The following PCAT7 variants were observed in gnomAD, a reference collection of about 807,000 sequenced individuals.
The protein encoded by PCAT7 is prostate cancer associated transcript 7 (non-protein coding).
intron 3 of PCAT7, among the ~76,000 whole-genome samples, chr9:94,573,945 T>G (rs1221718294): frequency 1.3e-5 from 2 of 152,192 alleles, no homozygotes; most frequent in Non-Finnish European, 2.9e-5. Flanking sequence ...GGAGATTTCT[T>G]TTCTTGGGCA....
exon 2 of PCAT7, chr9:94,559,138 G>C: frequency 1.2e-6 from 2 of 1,606,814 alleles, no homozygotes; most frequent in South Asian, 2.2e-5. Flanking sequence ...CGGAGCTGTG[G>C]AGGAACAGAG....
chr9:94,555,131 T>G lies in PCAT7; in HGVS notation n.78T>G, dbSNP rs191236287. 1,278 of 152,340 alleles carry G rather than the reference T, an allele frequency of 8.4e-3. 3 individuals carry two copies. Among genetic ancestry groups the G allele is most frequent in the Middle Eastern group, 0.024 (7 of 296 alleles). 9.4% of individuals were successfully genotyped at this position (152,340 alleles called of 1,614,324 possible). ...GAGTTACGTTTTTTTTGTTGTTGTT[T>G]TTTTTGTTTTTGTTTTTTTAGGTTT... On this transcript the variant is annotated non_coding_transcript_exon_variant, in exon 1 of 9. Transcript: ENST00000647389.
intron 2 of PCAT7, chr9:94,570,176 T>G (rs1269667864): frequency 6.6e-6 from 1 of 152,242 alleles, no homozygotes; most frequent in Non-Finnish European, 1.5e-5. Context: ...AGAGGCTCTG[T>G]CTGTGCCTGG....
intron 2 of PCAT7, among the ~76,000 whole-genome samples, chr9:94,562,824 T>C (rs1564179486): frequency 6.6e-6 from 1 of 152,324 alleles, no homozygotes. Context: ...TCCAGATATA[T>C]TGGCTGAGTT....
At chr9:94,555,322 A>C (rs1159765572) in intron 1 of PCAT7, 1 of 151,794 alleles carries the variant, frequency 6.6e-6, no homozygotes, top group African/African-American at 2.4e-5. Context: ...TAGGAAGAAG[A>C]AGATAGTTTT....
At chr9:94,562,011 C>T (rs1340338209) in intron 2 of PCAT7, among the ~76,000 whole-genome samples, 1 of 152,066 alleles carries the variant, frequency 6.6e-6, no homozygotes, top group African/African-American at 2.4e-5. Flanking sequence ...CAGAGTGGTT[C>T]TAAGAATTTC....
At chr9:94,573,440 T>C (rs1827288446) in intron 3 of PCAT7, among the ~76,000 whole-genome samples, 1 of 152,172 alleles carries the variant, frequency 6.6e-6, no homozygotes, top group Non-Finnish European at 1.5e-5. Context: ...AATGTCTTTT[T>C]TGAGATGGGG....
intron 2 of PCAT7, among the ~76,000 whole-genome samples, chr9:94,561,849 G>A (rs12684591): frequency 0.088 from 13,371 of 152,200 alleles, 1,145 homozygotes; most frequent in African/African-American, 0.21. Flanking sequence ...GTGGTTATGC[G>A]CAGCAAACGC....
intron 2 of PCAT7, among the ~76,000 whole-genome samples, chr9:94,572,124 A>C (rs1190739188): frequency 6.6e-6 from 1 of 151,736 alleles, no homozygotes; most frequent in Non-Finnish European, 1.5e-5. Context: ...TTTCTCTCTG[A>C]CTCTGTGGAT....
At chr9:94,567,181 CTT>C (rs1827201919) in intron 2 of PCAT7, 2 of 1,390,432 alleles carry the variant, frequency 1.4e-6, no homozygotes, top group Admixed American at 1.8e-5. Flanking sequence ...GCACCAACCT[CTT>C]TCAGCAAAGC....
At chr9:94,568,906 A>G (rs1169093741) in intron 2 of PCAT7, 1 of 152,180 alleles carries the variant, frequency 6.6e-6, no homozygotes, top group Non-Finnish European at 1.5e-5. Context: ...CTTTAGAATT[A>G]CCAAGCAAAA....
chr9:94,560,902 T>TCAGA (rs58337986), intron 2 of PCAT7, among the ~76,000 whole-genome samples: 13,288 of 151,820 alleles, frequency 0.088, 1,122 homozygotes, highest in African/African-American at 0.21. Flanking sequence ...GCCATTTTGG[T>TCAGA]CAGTGTAAGG....
chr9:94,568,398 AGTT>A (rs1827224845), intron 2 of PCAT7: 1 of 152,194 alleles, frequency 6.6e-6, no homozygotes, highest in Non-Finnish European at 1.5e-5. Flanking sequence ...CCCTATGTCT[AGTT>A]CTGGTGATAT....
intron 3 of PCAT7, among the ~76,000 whole-genome samples, chr9:94,574,213 G>A (rs1355784469): frequency 6.6e-6 from 1 of 151,990 alleles, no homozygotes; most frequent in African/African-American, 2.4e-5. Context: ...TTAAATAATT[G>A]GGTAAAAATC....
chr9:94,568,544 A>G (rs1827227011), intron 2 of PCAT7: 1 of 152,192 alleles, frequency 6.6e-6, no homozygotes, highest in South Asian at 2.1e-4. Context: ...TTGAGAGTGA[A>G]AAACTCCAAA....
At chr9:94,566,333 C>G (rs755884679) in intron 2 of PCAT7, among the ~76,000 whole-genome samples, 2 of 152,240 alleles carry the variant, frequency 1.3e-5, no homozygotes, top group Non-Finnish European at 2.9e-5. Flanking sequence ...GGGCAAGGAA[C>G]ACCTGGCCCG....
At chr9:94,572,259 C>T (rs1275401325) in intron 2 of PCAT7, among the ~76,000 whole-genome samples, 1 of 152,108 alleles carries the variant, frequency 6.6e-6, no homozygotes, top group East Asian at 1.9e-4. Context: ...TTCTTCCTCA[C>T]CCCCTTATCC....
chr9:94,563,517 C>G (rs929012205), intron 2 of PCAT7: 1 of 1,581,760 alleles, frequency 6.3e-7, no homozygotes. Flanking sequence ...TTAGCCAGCA[C>G]CTGCTCGTGG....
chr9:94,561,858 G>T (rs1827109841), intron 2 of PCAT7, among the ~76,000 whole-genome samples: 1 of 152,172 alleles, frequency 6.6e-6, no homozygotes. Context: ...CGCAGCAAAC[G>T]CAGATCTATC....
Sources: allele counts gnomAD v4.1 joint callset (sites outside exome capture counted in the v4.1 genomes callset), GRCh38; gene constraint gnomAD v4.1.1; transcripts MANE v1.5; gene names NCBI Gene and HGNC (gene_info 2026-07-23, HGNC 2026-07-21).